Variants in NLGN1 observed in about 807,000 individuals in gnomAD.
NLGN1 encodes neuroligin-1.
A neutral mutation model predicts 65.5 loss-of-function variants in NLGN1; 12 were observed. The ratio of observed to expected loss-of-function variants is 0.18; its 90% CI spans 0.12 to 0.30. The LOEUF (loss-of-function observed/expected upper bound fraction) is 0.30, where lower values mean the gene tolerates loss of function less well. NLGN1 is among the 10% of genes least tolerant of loss of function. The pLI is 1.00. For missense variants in NLGN1, 750 were observed against 1,007.1 expected (o/e 0.74, Z 3.46); for synonymous variants, 350 against 359.5 (o/e 0.97, Z 0.30).
intron 4 of NLGN1, among the ~76,000 whole-genome samples, chr3:174,235,250 A>G (rs1741499794): frequency 6.6e-6 from 1 of 151,358 alleles, no homozygotes; most frequent in Admixed American, 6.6e-5. Flanking sequence ...AGAATTATCT[A>G]CCTCCTTACC....
chr3:174,278,758 C>A, intron 5 of NLGN1, 103 bp from the exon 6 acceptor site: 4 of 883,874 alleles, frequency 4.5e-6, no homozygotes, highest in Admixed American at 3.6e-5. Context: ...GTTTCTTGAG[C>A]TGTATCTGGG....
chr3:173,453,272 T>A (rs1303781217), intron 2 of NLGN1, among the ~76,000 whole-genome samples: 1 of 151,964 alleles, frequency 6.6e-6, no homozygotes, highest in Admixed American at 6.6e-5. Flanking sequence ...CGTGTGTGTG[T>A]GTGTTTTGTA....
At chr3:173,897,386 A>G (rs1294235128) in intron 4 of NLGN1, among the ~76,000 whole-genome samples, 1 of 152,190 alleles carries the variant, frequency 6.6e-6, no homozygotes, top group Non-Finnish European at 1.5e-5. Flanking sequence ...ACATTGACAT[A>G]TTGCTATTGC....
intron 4 of NLGN1, among the ~76,000 whole-genome samples, chr3:174,098,767 G>A (rs1711691201): frequency 6.6e-6 from 1 of 151,970 alleles, no homozygotes; most frequent in South Asian, 2.1e-4. Context: ...TGAGTAACAA[G>A]AGTATAATCG....
Position 174,169,735 on chromosome 3 carries a change from C to G in NLGN1, c.647-105580C>G, listed in dbSNP as rs560831471. On this transcript the variant is annotated intron_variant, in intron 4 of 6. Transcript: ENST00000457714. ...ATCAGTTCCAGGTCACTAAGCTGGC[C>G]TGGGCTACGAGTCTCACCACCCAGG... Among the ~76,000 whole-genome samples, 3 of 152,198 alleles carry G rather than the reference C, an allele frequency of 2.0e-5. No individual in the cohort carries two copies. The South Asian group carries it at 6.2e-4, about 32-fold the overall frequency.
At chr3:174,253,563 C>T (rs1745145992) in intron 4 of NLGN1, among the ~76,000 whole-genome samples, 1 of 152,180 alleles carries the variant, frequency 6.6e-6, no homozygotes, top group African/African-American at 2.4e-5. Context: ...CAGGTCAAAT[C>T]AGCTGAAAAG....
Position 174,057,131 on chromosome 3 carries a change from A to G in NLGN1, c.647-218184A>G, listed in dbSNP as rs182620360. 4.0e-3 allele frequency among the ~76,000 whole-genome samples: 402 copies of G among 101,290 alleles called. 1 individual carries two copies. Among genetic ancestry groups the G allele is most frequent in the African/African-American group, 0.016 (369 of 23,438 alleles). The allele number at this position is 101,290 out of a possible 152,430, so 66.5% of individuals were successfully genotyped here. ...GGCCTATTAATGGCAGACTGAGGGG[A>G]AAAAAAAAGAACTTAATTGGTTTTA... On this transcript the variant is annotated intron_variant, in intron 4 of 6. Transcript: ENST00000457714.
At chr3:173,978,677 A>C (rs1718062932) in intron 4 of NLGN1, among the ~76,000 whole-genome samples, 1 of 151,744 alleles carries the variant, frequency 6.6e-6, no homozygotes, top group African/African-American at 2.4e-5. Flanking sequence ...GCAGTGGTCA[A>C]CCTTTGTCAA....
At chr3:173,879,557 A>G (rs1488820703) in intron 4 of NLGN1, among the ~76,000 whole-genome samples, 2 of 152,082 alleles carry the variant, frequency 1.3e-5, no homozygotes, top group East Asian at 1.9e-4. Context: ...CTTGTCTACG[A>G]AAGTTCAACA....
intron 2 of NLGN1, among the ~76,000 whole-genome samples, chr3:173,547,941 A>G (rs921994618): frequency 6.6e-6 from 1 of 150,644 alleles, no homozygotes; most frequent in Non-Finnish European, 1.5e-5. Flanking sequence ...ACATGTTTTA[A>G]TTTTTTTTTT....
intron 2 of NLGN1, among the ~76,000 whole-genome samples, chr3:173,510,151 C>T (rs138147122): frequency 8.5e-4 from 130 of 152,294 alleles, no homozygotes; most frequent in African/African-American, 3.1e-3. Context: ...CTCCACATAA[C>T]ACAATTTTTC....
intron 4 of NLGN1, among the ~76,000 whole-genome samples, chr3:173,944,597 C>A (rs183634364): frequency 1.3e-5 from 2 of 152,000 alleles, no homozygotes; most frequent in Non-Finnish European, 2.9e-5. Flanking sequence ...ATGATTCAAG[C>A]TAGAAAAAAG....
intron 4 of NLGN1, among the ~76,000 whole-genome samples, chr3:173,839,637 G>A (rs1053288343): frequency 6.6e-6 from 1 of 152,012 alleles, no homozygotes; most frequent in Non-Finnish European, 1.5e-5. Flanking sequence ...TGGCCAGGAT[G>A]GTCTCAATCT....
In NLGN1 at chr3:173,866,643, G is replaced by A. The variant is rs573012679; in HGVS notation, c.646+58811G>A. ...TCGATATCAAATTTGAAACCTCAGC[G>A]GCATTCAATTGATTTGTTGGTTTTA... On this transcript the variant is annotated intron_variant, in intron 4 of 6. Coordinates refer to ENST00000457714, the Ensembl canonical transcript of NLGN1. 5.3e-5 allele frequency among the ~76,000 whole-genome samples: 8 copies of A among 152,186 alleles called. No homozygotes were observed. In the East Asian group the frequency reaches 1.3e-3, roughly 26 times the overall value.
At chr3:173,488,438 G>A (rs931497518) in intron 2 of NLGN1, among the ~76,000 whole-genome samples, 2 of 151,698 alleles carry the variant, frequency 1.3e-5, no homozygotes, top group Non-Finnish European at 2.9e-5. Flanking sequence ...TTCTTGATGT[G>A]CGTTCTTTGT....
intron 4 of NLGN1, among the ~76,000 whole-genome samples, chr3:174,141,177 T>C (rs1722207980): frequency 6.6e-6 from 1 of 152,176 alleles, no homozygotes; most frequent in Non-Finnish European, 1.5e-5. Flanking sequence ...CACTGTTTTA[T>C]ATTAAGAAAT....
intron 4 of NLGN1, among the ~76,000 whole-genome samples, chr3:174,033,367 A>T (rs1730440226): frequency 6.6e-6 from 1 of 152,200 alleles, no homozygotes; most frequent in Non-Finnish European, 1.5e-5. Flanking sequence ...CATATTAAGG[A>T]TCATTTATTC....
intron 4 of NLGN1, among the ~76,000 whole-genome samples, chr3:173,884,003 GT>G (rs1278246922): frequency 6.7e-6 from 1 of 150,364 alleles, no homozygotes; most frequent in East Asian, 1.9e-4. Flanking sequence ...CTTTGAATAC[GT>G]ATTTACCTTT....
At chr3:173,729,317 T>G (rs933262247) in intron 3 of NLGN1, among the ~76,000 whole-genome samples, 2 of 152,120 alleles carry the variant, frequency 1.3e-5, no homozygotes, top group Non-Finnish European at 2.9e-5. Context: ...GATCAAGGAT[T>G]CCTAACCCAG....
Sources: allele counts gnomAD v4.1 joint callset (sites outside exome capture counted in the v4.1 genomes callset), GRCh38; gene constraint gnomAD v4.1.1; transcripts MANE v1.5; gene names NCBI Gene and HGNC (gene_info 2026-07-23, HGNC 2026-07-21).